AHNAK: variants seen among roughly 807,000 people sequenced by gnomAD.
The protein encoded by AHNAK is AHNAK nucleoprotein.
Under a neutral mutation model 37.8 loss-of-function variants are expected in AHNAK, and 23 were observed. That is an observed-to-expected ratio of 0.61 (90% CI 0.44 to 0.86). The LOEUF (loss-of-function observed/expected upper bound fraction) is 0.86, where lower values mean the gene tolerates loss of function less well. AHNAK is among the 40% of genes least tolerant of loss of function. The probability of loss-of-function intolerance (pLI) is 0.00; values close to 1 mark genes in which losing one functional copy is unlikely to be tolerated. For synonymous variants in AHNAK, 2,481 were observed against 2,636.3 expected (o/e 0.94, Z 1.80); for missense variants, 7,411 against 7,319.4 (o/e 1.01, Z -0.46).
At chr11:62,509,295 C>T (rs1167458154) in intron 4 of AHNAK, among the ~76,000 whole-genome samples, 3 of 152,048 alleles carry the variant, frequency 2.0e-5, no homozygotes, top group Admixed American at 6.5e-5. Context: ...CAGCCGGGCA[C>T]GGTGGCTCAC....
chr11:62,450,956 G>A lies in AHNAK; in HGVS notation c.443-17065C>T, dbSNP rs181490466. On this transcript the variant is annotated intron_variant, in intron 5 of 5. Coordinates refer to the AHNAK transcript ENST00000257247. ...CGTGGTGGCTCACGCCTGTAATCGC[G>A]GCACTTTGGGAGGCCAAGGCGGGAG... Among the ~76,000 whole-genome samples, 271 of 141,942 alleles carry A rather than the reference G, an allele frequency of 1.9e-3. 1 individual carries two copies. The highest frequency in any genetic ancestry group is 3.1e-3 in the Non-Finnish European group (186 of 60,762). 93.1% of individuals were successfully genotyped at this position (141,942 alleles called of 152,430 possible).
At chr11:62,491,513 G>C (rs1269266123) in intron 5 of AHNAK, among the ~76,000 whole-genome samples, 1 of 152,146 alleles carries the variant, frequency 6.6e-6, no homozygotes, top group Non-Finnish European at 1.5e-5. Context: ...TAATCCTTCT[G>C]TAGTAAGTGC....
chr11:62,455,144 G>A (rs2134812653), intron 5 of AHNAK, among the ~76,000 whole-genome samples: 2 of 151,552 alleles, frequency 1.3e-5, no homozygotes, highest in East Asian at 4.0e-4. Context: ...CATTGGTCAG[G>A]CTGGTGTCCA....
intron 5 of AHNAK, among the ~76,000 whole-genome samples, chr11:62,486,475 C>T (rs1413316778): frequency 1.5e-5 from 2 of 136,854 alleles, no homozygotes; most frequent in African/African-American, 5.3e-5. Context: ...CTCCGAAACT[C>T]TGTCTCAAAA....
At chr11:62,484,824 T>C (rs947290406) in intron 5 of AHNAK, among the ~76,000 whole-genome samples, 4 of 152,186 alleles carry the variant, frequency 2.6e-5, no homozygotes, top group African/African-American at 9.7e-5. Context: ...AGTTTCGCTC[T>C]TGTTGCCCAG....
intron 5 of AHNAK, among the ~76,000 whole-genome samples, chr11:62,464,250 C>T (rs1938857113): frequency 6.6e-6 from 1 of 150,862 alleles, no homozygotes; most frequent in Non-Finnish European, 1.5e-5. Flanking sequence ...TAGAGACAGA[C>T]TCTTACTATG....
At position 62,489,166 on chromosome 11, in the gene AHNAK, G is replaced by A. The variant is rs561897878; in HGVS notation, c.442+2566C>T. On this transcript the variant is annotated intron_variant, in intron 5 of 5. Coordinates refer to the AHNAK transcript ENST00000257247. Reference sequence around the variant, plus strand: ...TGAGGCAGGAGGATTGCTTGAACGCGGGAGGTGGAGGTTGCAGTGAGTTGA... The same window carrying A: ...TGAGGCAGGAGGATTGCTTGAACGCAGGAGGTGGAGGTTGCAGTGAGTTGA... Among the ~76,000 whole-genome samples, 62 of 151,962 alleles carry A rather than the reference G, an allele frequency of 4.1e-4. 1 individual carries two copies. The South Asian group carries it at 0.011, about 26-fold the overall frequency.
chr11:62,442,141 T>G (rs1382636783), intron 5 of AHNAK, among the ~76,000 whole-genome samples: 1 of 152,240 alleles, frequency 6.6e-6, no homozygotes, highest in Non-Finnish European at 1.5e-5. Context: ...ATGAGTAGTT[T>G]TAACAGTTCC....
intron 4 of AHNAK, among the ~76,000 whole-genome samples, chr11:62,501,958 A>G (rs1342599347): frequency 6.6e-6 from 1 of 152,234 alleles, no homozygotes; most frequent in Non-Finnish European, 1.5e-5. Context: ...AAGAATAATC[A>G]AAAGCCACAC....
chr11:62,473,999 C>CA (rs879305744), intron 5 of AHNAK, among the ~76,000 whole-genome samples: 84 of 125,094 alleles, frequency 6.7e-4, no homozygotes, highest in Non-Finnish European at 7.4e-4. Context: ...TACCCTGTCT[C>CA]AAAAAAAAAA....
At chr11:62,481,936 C>T (rs945014037) in intron 5 of AHNAK, among the ~76,000 whole-genome samples, 2 of 152,214 alleles carry the variant, frequency 1.3e-5, no homozygotes, top group Non-Finnish European at 2.9e-5. Flanking sequence ...GATCCATCTC[C>T]GCCCTCTTGC....
chr11:62,498,299 G>A (rs1192924442), intron 4 of AHNAK, among the ~76,000 whole-genome samples: 1 of 152,074 alleles, frequency 6.6e-6, no homozygotes, highest in African/African-American at 2.4e-5. Context: ...TGAAGCTAAT[G>A]GTTATCACTA....
chr11:62,523,033 A>G lies in AHNAK; in HGVS notation c.11384T>C (p.Val3795Ala), dbSNP rs149345623. 180 of 1,613,926 alleles carry G rather than the reference A, an allele frequency of 1.1e-4. No homozygotes were observed. The highest frequency in any genetic ancestry group is 1.4e-4 in the Non-Finnish European group (169 of 1,180,006). ...CTTCAGGTGCCAGTCTGGGCCTTGA[A>G]CATCAACATCTGGAGCATTAATGTC... ...KVDINAPDVD[V>A]QGPDWHLKMP... is the part of the protein sequence containing the mutation. The change falls in exon 5 of 5, where the codon GTT becomes GCT. Residue 3795 changes from valine to alanine, a missense_variant. By Grantham distance (64) the Val-to-Ala change is moderately conservative (BLOSUM62 0). Transcript: ENST00000378024.
chr11:62,437,898 T>G (rs1234941615), intron 5 of AHNAK, among the ~76,000 whole-genome samples: 1 of 152,060 alleles, frequency 6.6e-6, no homozygotes, highest in Non-Finnish European at 1.5e-5. Context: ...GAGTTTTGTG[T>G]GTCTATGTTG....
intron 5 of AHNAK, among the ~76,000 whole-genome samples, chr11:62,475,749 C>A (rs1029972900): frequency 2.0e-5 from 3 of 151,512 alleles, no homozygotes; most frequent in African/African-American, 7.3e-5. Context: ...GGATTACAGG[C>A]GCCCGCCATC....
intron 4 of AHNAK, among the ~76,000 whole-genome samples, chr11:62,499,122 G>A (rs557569233): frequency 6.6e-6 from 1 of 152,298 alleles, no homozygotes; most frequent in South Asian, 2.1e-4. Context: ...AATATGCCCG[G>A]AGGCAGGGGC....
intron 5 of AHNAK, among the ~76,000 whole-genome samples, chr11:62,466,709 AACTT>A (rs1938919735): frequency 6.6e-6 from 1 of 152,188 alleles, no homozygotes; most frequent in African/African-American, 2.4e-5. Flanking sequence ...GGAAGACAAG[AACTT>A]ACTTAATCAC....
Position 62,535,083 on chromosome 11 carries a change from G to T in AHNAK, c.262C>A (p.Arg88Ser). 1 of 1,614,024 alleles carries T rather than the reference G, an allele frequency of 6.2e-7. No individual in the cohort carries two copies. Among genetic ancestry groups the T allele is most frequent in the Non-Finnish European group, 8.5e-7 (1 of 1,179,970 alleles). The change falls in exon 4 of 5, where the codon CGC becomes AGC. Residue 88 changes from arginine (R) to serine (S), a missense_variant. Transcript: ENST00000378024. ...GHHTVGLKLH[R>S]KGDRSPEPGQ... is the part of the protein sequence containing the mutation. Reference sequence around the variant, plus strand: ...GGCTCGGGAGAGCGGTCCCCCTTGCGGTGCAGCTTCAGGCCCACCGTGTGG... The same window carrying T: ...GGCTCGGGAGAGCGGTCCCCCTTGCTGTGCAGCTTCAGGCCCACCGTGTGG...
At chr11:62,484,597 G>A (rs1939350969) in intron 5 of AHNAK, among the ~76,000 whole-genome samples, 2 of 152,102 alleles carry the variant, frequency 1.3e-5, no homozygotes. Flanking sequence ...GAACAGCAAG[G>A]AGCCCCTGTG....
Sources: allele counts gnomAD v4.1 joint callset (sites outside exome capture counted in the v4.1 genomes callset), GRCh38; gene constraint gnomAD v4.1.1; transcripts MANE v1.5; gene names NCBI Gene and HGNC (gene_info 2026-07-23, HGNC 2026-07-21).